Variants in DDC observed in about 807,000 individuals in gnomAD.
DDC encodes aromatic-L-amino-acid decarboxylase.
Under a neutral mutation model 60.0 loss-of-function variants are expected in DDC, and 43 were observed. That is an observed-to-expected ratio of 0.72 (90% confidence interval 0.56 to 0.92). The LOEUF (loss-of-function observed/expected upper bound fraction) is 0.92, where lower values mean the gene tolerates loss of function less well. DDC is among the 40% of genes least tolerant of loss of function. DDC has a pLI of 0.00. For synonymous variants in DDC, 232 were observed against 234.6 expected, an observed-to-expected ratio of 0.99 and a Z score of 0.10; for missense variants, 573 against 620.2, an observed-to-expected ratio of 0.92 and a Z score of 0.81.
At chr7:50,540,725 G>A (rs2044601524) in intron 2 of DDC, among the ~76,000 whole-genome samples, 1 of 152,184 alleles carries the variant, frequency 6.6e-6, no homozygotes, top group Non-Finnish European at 1.5e-5. Flanking sequence ...CCCATAAGGT[G>A]AACACCTGCC....
chr7:50,471,104 G>A (rs541481733), intron 11 of DDC, among the ~76,000 whole-genome samples: 7 of 152,260 alleles, frequency 4.6e-5, no homozygotes, highest in Admixed American at 2.0e-4. Flanking sequence ...TTAAAGTGTG[G>A]GTGAAGGCCG....
At chr7:50,510,808 C>A (rs1195346886) in intron 6 of DDC, among the ~76,000 whole-genome samples, 1 of 151,368 alleles carries the variant, frequency 6.6e-6, no homozygotes, top group Non-Finnish European at 1.5e-5. Flanking sequence ...GGTAAAACCC[C>A]GTCTCTACTA....
intron 6 of DDC, among the ~76,000 whole-genome samples, chr7:50,512,431 G>T (rs559873896): frequency 3.3e-5 from 5 of 152,274 alleles, no homozygotes; most frequent in Admixed American, 2.6e-4. Flanking sequence ...AAACTCTGGG[G>T]TCTATTGAAG....
At chr7:50,475,245 T>G (rs2042615876) in intron 11 of DDC, among the ~76,000 whole-genome samples, 1 of 152,214 alleles carries the variant, frequency 6.6e-6, no homozygotes, top group Non-Finnish European at 1.5e-5. Flanking sequence ...CAGGGTGAGC[T>G]GGTCCTCAGG....
chr7:50,511,686 G>A (rs1024560842), intron 6 of DDC, among the ~76,000 whole-genome samples: 86 of 151,986 alleles, frequency 5.7e-4, no homozygotes, highest in African/African-American at 1.9e-3. Context: ...CCAAGATCGC[G>A]CCACTGCACT....
At chr7:50,498,472 C>A (rs964062172) in intron 8 of DDC, among the ~76,000 whole-genome samples, 8 of 152,222 alleles carry the variant, frequency 5.3e-5, no homozygotes, top group African/African-American at 1.9e-4. Flanking sequence ...ACTTCCTACC[C>A]TATGAGCCAC....
chr7:50,515,522 A>C (rs541205884), intron 6 of DDC, among the ~76,000 whole-genome samples: 1 of 152,280 alleles, frequency 6.6e-6, no homozygotes, highest in Non-Finnish European at 1.5e-5. Flanking sequence ...AACAAAAAAC[A>C]AACAAACAAA....
chr7:50,522,477 C>T (rs1340107661), intron 6 of DDC, among the ~76,000 whole-genome samples: 2 of 152,134 alleles, frequency 1.3e-5, no homozygotes, highest in African/African-American at 4.8e-5. Context: ...TATTAAACAA[C>T]AGTGTTTGAG....
At chr7:50,466,458 C>A (rs1170955990) in intron 13 of DDC, among the ~76,000 whole-genome samples, 1 of 144,070 alleles carries the variant, frequency 6.9e-6, no homozygotes, top group Non-Finnish European at 1.5e-5. Context: ...GCACTCCAGC[C>A]TGGGCAACAG....
chr7:50,495,562 T>TGCCC, intron 8 of DDC, 145 bp from the exon 9 acceptor site: 1 of 697,998 alleles, frequency 1.4e-6, no homozygotes, highest in Admixed American at 2.1e-5. Flanking sequence ...AGGGGAGTAG[T>TGCCC]AACTTGTAGT....
At chr7:50,462,228 A>AAAAAAAAAAAAAAAAAAAAAG (rs2042292335) in intron 14 of DDC, among the ~76,000 whole-genome samples, 1 of 91,714 alleles carries the variant, frequency 1.1e-5, no homozygotes, top group Non-Finnish European at 2.3e-5. Context: ...CAAAAAGACA[A>AAAAAAAAAAAAAAAAAAAAAG]AAAAAAAAAA....
At chr7:50,551,210 C>G (rs2153552542) in intron 1 of DDC, among the ~76,000 whole-genome samples, 2 of 151,528 alleles carry the variant, frequency 1.3e-5, no homozygotes, top group East Asian at 1.9e-4. Flanking sequence ...GTTTAACCAG[C>G]CTTAATGATT....
intron 3 of DDC, 117 bp downstream of exon 3, chr7:50,539,798 G>C: frequency 1.3e-6 from 1 of 753,460 alleles, no homozygotes; most frequent in African/African-American, 1.7e-5. Flanking sequence ...ACAGTAGCCC[G>C]TCTGCCCACA....
At chr7:50,460,487 C>T (rs1205578978) in intron 14 of DDC, among the ~76,000 whole-genome samples, 5 of 151,420 alleles carry the variant, frequency 3.3e-5, no homozygotes, top group Non-Finnish European at 7.4e-5. Flanking sequence ...CGCCTCTGCC[C>T]GGCCGCCCCT....
intron 1 of DDC, among the ~76,000 whole-genome samples, chr7:50,560,737 G>A (rs766765479): frequency 1.3e-5 from 2 of 152,154 alleles, no homozygotes; most frequent in Non-Finnish European, 2.9e-5. Flanking sequence ...GCAATCCAAA[G>A]TTTCAGATTC....
At chr7:50,533,460 T>A (rs2044284938) in intron 4 of DDC, among the ~76,000 whole-genome samples, 2 of 152,110 alleles carry the variant, frequency 1.3e-5, no homozygotes, top group Admixed American at 1.3e-4. Flanking sequence ...CATGTCCAGC[T>A]AAGTTTTGTA....
At chr7:50,561,839 C>T (rs1333058641) in intron 1 of DDC, among the ~76,000 whole-genome samples, 1 of 152,154 alleles carries the variant, frequency 6.6e-6, no homozygotes, top group Non-Finnish European at 1.5e-5. Context: ...GCAGGTGCCC[C>T]TGCCCCGACC....
At position 50,538,849 on chromosome 7, in the gene DDC, G is replaced by T. The variant is rs954307693; in HGVS notation, c.316-870C>A. On this transcript the variant is annotated intron_variant, in intron 3 of 14. Coordinates refer to ENST00000444124, the MANE Select transcript of DDC (RefSeq NM_001082971.2). ...CAGTGATAGAAAATGCTCTTTAGGAGAGGGTATGCTCAGCCCAGGCCAGCC... is the reference window on the plus strand; with the variant it reads ...CAGTGATAGAAAATGCTCTTTAGGATAGGGTATGCTCAGCCCAGGCCAGCC... 3.3e-5 allele frequency among the ~76,000 whole-genome samples: 5 copies of T among 152,232 alleles called. No individual in the cohort carries two copies. The South Asian group carries it at 1.0e-3, about 31-fold the overall frequency.
intron 13 of DDC, among the ~76,000 whole-genome samples, chr7:50,466,963 A>G (rs1237640231): frequency 6.6e-6 from 1 of 152,218 alleles, no homozygotes; most frequent in Non-Finnish European, 1.5e-5. Context: ...AAAAATGGTA[A>G]AGATTCTGCG....
Sources: allele counts gnomAD v4.1 joint callset (sites outside exome capture counted in the v4.1 genomes callset), GRCh38; gene constraint gnomAD v4.1.1; transcripts MANE v1.5; gene names NCBI Gene and HGNC (gene_info 2026-07-23, HGNC 2026-07-21).